The following CSF2RB variants were observed in gnomAD, a reference collection of about 807,000 sequenced individuals.
CSF2RB encodes colony stimulating factor 2 receptor subunit beta, also known as cytokine receptor common subunit beta.
A neutral mutation model predicts 67.2 loss-of-function variants in CSF2RB; 22 were observed. That is an observed-to-expected ratio of 0.33 (90% CI 0.23 to 0.47). The LOEUF (loss-of-function observed/expected upper bound fraction) is 0.47. Ranked by LOEUF, CSF2RB falls within the 20% of genes least tolerant of loss-of-function variation. The pLI is 1.00. For synonymous variants in CSF2RB, 507 were observed against 482.9 expected (o/e 1.05, Z -0.65); for missense variants, 1,113 against 1,174.5 (o/e 0.95, Z 0.76).
At chr22:36,928,082 G>A (rs775754918) in intron 4 of CSF2RB, among the ~76,000 whole-genome samples, 7 of 152,140 alleles carry the variant, frequency 4.6e-5, no homozygotes, top group Non-Finnish European at 8.8e-5. Context: ...AGCCTGTGTT[G>A]AGTAGCGAGG....
rs1311170881 is a variant in CSF2RB, at chr22:36,937,968, C to T, written c.2160C>T (p.Thr720=). Residue 720 remains threonine (T), a synonymous_variant, in exon 14 of 14, where the codon ACC becomes ACT. Coordinates refer to ENST00000403662, the MANE Select transcript of CSF2RB (RefSeq NM_000395.3). This position sits in a 1 kb window ranked among gnomAD's most constrained non-coding sequence, Gnocchi z 4.6. ...GYVSSADLVF[T]PNSGASSVSL... is the part of the protein sequence containing the mutation. ...TCTCCTCTGCAGACCTGGTATTCAC[C>T]CCAAACTCAGGGGCCTCGTCTGTCT... The T allele has an allele frequency of 1.2e-6, 2 of 1,614,142 alleles. No homozygotes were observed. The highest frequency in any genetic ancestry group is 4.5e-5 in the East Asian group (2 of 44,884).
rs1438940537 is a variant in CSF2RB, at chr22:36,930,913, T to A, written c.1012+83T>A. ...GTAACCCGAATCAGTTCAGGGTTCC[T>A]CCTGGCCCCGTCTTCATGTTTGTCA... On this transcript the variant is annotated intron_variant, in intron 8 of 13. Transcript: ENST00000403662. 2.7e-6 allele frequency: 4 copies of A among 1,506,680 alleles called. No individual in the cohort carries two copies. The African/African-American group carries it at 4.1e-5, about 16-fold the overall frequency. The allele number at this position is 1,506,680 out of a possible 1,614,324, so 93.3% of individuals were successfully genotyped here.
chr22:36,923,756 T>C (rs774851880), intron 3 of CSF2RB: 2 of 1,297,584 alleles, frequency 1.5e-6, no homozygotes, highest in African/African-American at 1.5e-5. Context: ...CTGTCCAGAG[T>C]AGACCAAGGA....
At chr22:36,923,646 C>T in intron 3 of CSF2RB, 1 of 1,366,556 alleles carries the variant, frequency 7.3e-7, no homozygotes, top group East Asian at 3.2e-5. Context: ...CTTGTTTCAT[C>T]ACAATTTAAC....
In CSF2RB at chr22:36,922,156, T is replaced by C. The variant is rs1339187099; in HGVS notation, c.-52T>C. On this transcript the variant is annotated 5_prime_UTR_variant, in exon 2 of 14. The change abolishes an upstream ATG in the 5' untranslated region. Transcript: ENST00000403662. ...GACACTAAGGACCCTGTCATGCCCA[T>C]GGCCAGCACCCACCAGTGCTGGTGC... 2 of 1,500,686 alleles carry C rather than the reference T, an allele frequency of 1.3e-6. No homozygotes were observed. Among genetic ancestry groups the C allele is most frequent in the East Asian group, 4.9e-5 (2 of 40,824 alleles). The allele number at this position is 1,500,686 out of a possible 1,614,324, so 93.0% of individuals were successfully genotyped here. A position where few individuals can be genotyped will look rare whatever the true frequency, so the allele number is the denominator to read the frequency against.
In CSF2RB at chr22:36,929,065, C is replaced by T. The variant is rs996721819; in HGVS notation, c.392-337C>T. 3.9e-5 allele frequency among the ~76,000 whole-genome samples: 6 copies of T among 152,306 alleles called. No homozygotes were observed. The South Asian group carries it at 1.0e-3, about 26-fold the overall frequency. ...GGGGGAGGCCGCTGAACCGCAGGCC[C>T]CTCTGCTAGCAGGAGCCACCCAGGC... On this transcript the variant is annotated intron_variant, in intron 4 of 13. Coordinates refer to ENST00000403662, the MANE Select transcript of CSF2RB (RefSeq NM_000395.3).
chr22:36,935,301 G>T (rs775157602), intron 10 of CSF2RB, 50 bp from the exon 11 acceptor site: 1 of 1,584,362 alleles, frequency 6.3e-7, no homozygotes. Context: ...CCCTGAGGTC[G>T]ATTTCCCGCC....
chr22:36,921,768 C>T (rs1940876702), intron 1 of CSF2RB, among the ~76,000 whole-genome samples: 1 of 152,168 alleles, frequency 6.6e-6, no homozygotes, highest in Non-Finnish European at 1.5e-5. Flanking sequence ...GGACCAGCAG[C>T]CCACGGGGAG....
chr22:36,937,233 C>T lies in CSF2RB; in HGVS notation c.1569-144C>T. The T allele has an allele frequency of 9.6e-7, 1 of 1,045,348 alleles. No individual in the cohort carries two copies. Among genetic ancestry groups the T allele is most frequent in the East Asian group, 2.5e-5 (1 of 39,740 alleles). The allele number at this position is 1,045,348 out of a possible 1,614,324, so 64.8% of individuals were successfully genotyped here. On this transcript the variant is annotated intron_variant, in intron 13 of 13. Coordinates refer to ENST00000403662, the MANE Select transcript of CSF2RB (RefSeq NM_000395.3). This position sits in a 1 kb window ranked among gnomAD's most constrained non-coding sequence, Gnocchi z 4.6. ...CTCTGGGGCCCCTGCTCCCTCAACCCTGTCCCGTTCAGGTTCTCTCTGTGA... is the reference window on the plus strand; with the variant it reads ...CTCTGGGGCCCCTGCTCCCTCAACCTTGTCCCGTTCAGGTTCTCTCTGTGA...
rs150659075 is a variant in CSF2RB, at chr22:36,937,858, G to C, written c.2050G>C (p.Gly684Arg). Residue 684 changes from glycine (G) to arginine (R), a missense_variant, in exon 14 of 14, where the codon GGA becomes CGA. Gly to Arg is a moderately radical substitution (Grantham distance 125). This residue lies in a region of CSF2RB where 554 missense variants were observed against 517.9 expected (regional missense o/e 1.07). Transcript: ENST00000403662. The surrounding 1 kb of genome is among the most constrained non-coding windows in gnomAD (Gnocchi z 4.6). ...CCCTCCTGCTCTTGGGCCAAGGGTG[G>C]GAGGACAGGACCAAAAGGACAGCCC... ...PAPPALGPRVGGQDQKDSPVA... is the reference protein window; with the variant it reads ...PAPPALGPRVRGQDQKDSPVA... The C allele has an allele frequency of 2.0e-4, 324 of 1,613,864 alleles. No individual in the cohort carries two copies. The highest frequency in any genetic ancestry group is 6.6e-4 in the Middle Eastern group (4 of 6,060).
At position 36,933,975 on chromosome 22, in the gene CSF2RB, C is replaced by G; in HGVS notation, c.1296C>G (p.Arg432=). 6.2e-7 allele frequency: 1 copy of G among 1,612,832 alleles called. No homozygotes were observed. Among genetic ancestry groups the G allele is most frequent in the Non-Finnish European group, 8.5e-7 (1 of 1,179,982 alleles). The change falls in exon 10 of 14, where the codon CGC becomes CGG. Residue 432 remains arginine (R), a synonymous_variant. Transcript: ENST00000403662. ...NGIWSEWSEA[R]SWDTESVLPM... ...TCTGGAGCGAGTGGAGTGAGGCGCGCTCCTGGGACACCGAGTCGGGTAGGT... is the reference window on the plus strand; with the variant it reads ...TCTGGAGCGAGTGGAGTGAGGCGCGGTCCTGGGACACCGAGTCGGGTAGGT...
Position 36,926,182 on chromosome 22 carries a change from G to T in CSF2RB, c.391+5G>T. On this transcript the variant is annotated splice_donor_5th_base_variant and intron_variant, in intron 4 of 13. Transcript: ENST00000403662. ...CCGTCACTCTGACCCAGCATGGTGA[G>T]GGGCTGGGGGCCCTGCCCGGGGCTT... The T allele has an allele frequency of 6.2e-7, 1 of 1,613,686 alleles. No homozygotes were observed. Among genetic ancestry groups the T allele is most frequent in the Non-Finnish European group, 8.5e-7 (1 of 1,179,982 alleles).
chr22:36,938,656 C>T lies in CSF2RB; in HGVS notation c.*154C>T. ...GATAGCCTTGCTCCGGCCCCCTTGACCTTCAGCAAATCACTTCTCTCCCTG... is the reference window on the plus strand; with the variant it reads ...GATAGCCTTGCTCCGGCCCCCTTGATCTTCAGCAAATCACTTCTCTCCCTG... On this transcript the variant is annotated 3_prime_UTR_variant, in exon 14 of 14. Coordinates refer to ENST00000403662, the MANE Select transcript of CSF2RB (RefSeq NM_000395.3). 1 of 741,960 alleles carries T rather than the reference C, an allele frequency of 1.3e-6. No homozygotes were observed. The highest frequency in any genetic ancestry group is 2.1e-6 in the Non-Finnish European group (1 of 466,748). 46.0% of individuals were successfully genotyped at this position (741,960 alleles called of 1,614,324 possible).
Position 36,930,716 on chromosome 22 carries a change from C to T in CSF2RB, c.898C>T (p.Leu300Phe). The T allele has an allele frequency of 6.2e-7, 1 of 1,613,422 alleles. No individual in the cohort carries two copies. Among genetic ancestry groups the T allele is most frequent in the South Asian group, 1.1e-5 (1 of 91,040 alleles). ...AGTGCTGAGGGAGGGGCTCGGCAGC[C>T]TCCACACCAGGCACCACTGCCAGAT... Reference protein sequence around the residue: ...SPVLREGLGSLHTRHHCQIPV... With the variant: ...SPVLREGLGSFHTRHHCQIPV... The change falls in exon 8 of 14, where the codon CTC becomes TTC. Residue 300 changes from leucine (L) to phenylalanine (F), a missense_variant. Leu to Phe is a conservative substitution (Grantham distance 22, BLOSUM62 0). Coordinates refer to ENST00000403662, the MANE Select transcript of CSF2RB (RefSeq NM_000395.3).
chr22:36,916,760 G>T (rs1940725824), intron 1 of CSF2RB, among the ~76,000 whole-genome samples: 1 of 152,180 alleles, frequency 6.6e-6, no homozygotes, highest in East Asian at 1.9e-4. Flanking sequence ...TTGGGATGCT[G>T]AAGTGGGAGA....
chr22:36,917,206 A>G (rs1314916164), intron 1 of CSF2RB, among the ~76,000 whole-genome samples: 3 of 152,022 alleles, frequency 2.0e-5, no homozygotes, highest in African/African-American at 4.8e-5. Context: ...TAATCCGTTC[A>G]TCTGTTTGTT....
In CSF2RB at chr22:36,925,267, C is replaced by T. The variant is rs1351677295; in HGVS notation, c.201-720C>T. 3.9e-5 allele frequency among the ~76,000 whole-genome samples: 6 copies of T among 152,192 alleles called. No individual in the cohort carries two copies. In the East Asian group the frequency reaches 1.2e-3, roughly 29 times the overall value. On this transcript the variant is annotated intron_variant, in intron 3 of 13. Transcript: ENST00000403662. ...ATCTCAAGCAGAACATGAATCTCACCCACGCCAGCCTGACCACCCTGTTGC... is the reference window on the plus strand; with the variant it reads ...ATCTCAAGCAGAACATGAATCTCACTCACGCCAGCCTGACCACCCTGTTGC...
At chr22:36,922,412 C>T in intron 2 of CSF2RB, 129 bp downstream of exon 2, 2 of 802,202 alleles carry the variant, frequency 2.5e-6, no homozygotes, top group South Asian at 1.5e-5. Context: ...CTGTCTCTCC[C>T]CCTGGCCTTC....
At chr22:36,928,485 C>T (rs1330189239) in intron 4 of CSF2RB, among the ~76,000 whole-genome samples, 1 of 152,164 alleles carries the variant, frequency 6.6e-6, no homozygotes, top group Non-Finnish European at 1.5e-5. Context: ...CTGACATGCT[C>T]TAGCATGCCA....
Sources: allele counts gnomAD v4.1 joint callset (sites outside exome capture counted in the v4.1 genomes callset), GRCh38; gene constraint gnomAD v4.1.1; regional missense constraint gnomAD v4.1.1; non-coding constraint Gnocchi (gnomAD v3.1); transcripts MANE v1.5; gene names NCBI Gene and HGNC (gene_info 2026-07-23, HGNC 2026-07-21).